GAS2: variants seen among roughly 807,000 people sequenced by gnomAD.
The protein encoded by GAS2 is growth arrest specific 2, also known as growth arrest-specific protein 2.
GAS2 carries 20 observed loss-of-function variants against 37.5 expected under a neutral mutation model. The observed-to-expected ratio is 0.53, with a 90% CI of 0.37 to 0.77. GAS2 has a LOEUF of 0.77. Ranked by LOEUF, GAS2 falls within the 30% of genes least tolerant of loss-of-function variation. The pLI, the probability that GAS2 is intolerant of heterozygous loss-of-function variation, is 0.00. For synonymous variants in GAS2, 144 were observed against 132.2 expected, an observed-to-expected ratio of 1.09 and a Z score of -0.61; for missense variants, 336 against 373.4, an observed-to-expected ratio of 0.90 and a Z score of 0.82.
At chr11:22,683,424 C>G (rs1409242690) in intron 2 of GAS2, among the ~76,000 whole-genome samples, 1 of 152,104 alleles carries the variant, frequency 6.6e-6, no homozygotes, top group Non-Finnish European at 1.5e-5. Flanking sequence ...TGCCACAATA[C>G]CTGGCTAATT....
chr11:22,643,550 C>A (rs573813035), intron 1 of GAS2, among the ~76,000 whole-genome samples: 19 of 151,604 alleles, frequency 1.3e-4, no homozygotes, highest in Admixed American at 3.3e-4. Flanking sequence ...CACAGATCAC[C>A]CACATATCTT....
intron 4 of GAS2, among the ~76,000 whole-genome samples, chr11:22,736,100 T>C (rs959188142): frequency 2.0e-5 from 3 of 151,982 alleles, no homozygotes; most frequent in Admixed American, 2.0e-4. Context: ...TATGTGTTAT[T>C]GTTCTCTGTA....
intron 6 of GAS2, among the ~76,000 whole-genome samples, chr11:22,754,264 GA>G (rs1853899528): frequency 1.3e-5 from 2 of 151,906 alleles, no homozygotes; most frequent in Admixed American, 6.6e-5. Context: ...TGTATTTAAT[GA>G]ATATTTATTT....
At chr11:22,725,075 A>G (rs1668897584) in intron 3 of GAS2, among the ~76,000 whole-genome samples, 1 of 152,084 alleles carries the variant, frequency 6.6e-6, no homozygotes, top group South Asian at 2.1e-4. Context: ...AGTCCTATGT[A>G]GCCCAGTTCA....
At chr11:22,800,069 G>C (rs546152844) in intron 7 of GAS2, among the ~76,000 whole-genome samples, 6 of 152,186 alleles carry the variant, frequency 3.9e-5, no homozygotes, top group Non-Finnish European at 5.9e-5. Context: ...GGGCTCAGAA[G>C]GTAGGACTAC....
chr11:22,789,728 G>A (rs1457764691), intron 7 of GAS2, among the ~76,000 whole-genome samples: 1 of 151,582 alleles, frequency 6.6e-6, no homozygotes, highest in Non-Finnish European at 1.5e-5. Flanking sequence ...GCCTCCCAAA[G>A]TCCCGGGATT....
chr11:22,655,836 G>T (rs1357721479), intron 1 of GAS2, among the ~76,000 whole-genome samples: 1 of 151,988 alleles, frequency 6.6e-6, no homozygotes, highest in Non-Finnish European at 1.5e-5. Flanking sequence ...TGTCTAGATG[G>T]GCCTGAAAAT....
At chr11:22,718,929 T>A (rs1271826268) in intron 3 of GAS2, among the ~76,000 whole-genome samples, 1 of 152,080 alleles carries the variant, frequency 6.6e-6, no homozygotes, top group Non-Finnish European at 1.5e-5. Flanking sequence ...ATGGAAGGAA[T>A]GCATTTGTTG....
At chr11:22,773,532 T>C (rs1326073264) in intron 7 of GAS2, among the ~76,000 whole-genome samples, 1 of 151,776 alleles carries the variant, frequency 6.6e-6, no homozygotes, top group Admixed American at 6.6e-5. Context: ...TAGGTGGGAC[T>C]GCAGGCGCCC....
In GAS2 at chr11:22,697,387, A is replaced by G. The variant is rs189251099; in HGVS notation, c.267+11598A>G. Among the ~76,000 whole-genome samples, 281 of 152,240 alleles carry G rather than the reference A, an allele frequency of 1.8e-3. 2 individuals are homozygous for G. The highest frequency in any genetic ancestry group is 6.3e-3 in the African/African-American group (260 of 41,520). On this transcript the variant is annotated intron_variant, in intron 3 of 7. Coordinates refer to ENST00000454584, the MANE Select transcript of GAS2 (RefSeq NM_001143830.3). ...TGAAGTCAGGTAGCATGATTCCTCC[A>G]GCTTTGTTATTTTGGCTTAGGATTG... is the stretch of plus-strand genomic sequence containing the variant.
intron 5 of GAS2, among the ~76,000 whole-genome samples, chr11:22,739,870 G>A (rs1852977600): frequency 6.6e-6 from 1 of 151,940 alleles, no homozygotes; most frequent in South Asian, 2.1e-4. Context: ...TAAAGAGACG[G>A]GGTTATACTG....
At chr11:22,640,728 A>T (rs1858899537) in intron 1 of GAS2, among the ~76,000 whole-genome samples, 2 of 152,192 alleles carry the variant, frequency 1.3e-5, no homozygotes, top group Non-Finnish European at 2.9e-5. Context: ...TATTCATATT[A>T]TCATACAAAG....
At chr11:22,760,965 GT>G (rs1234132590) in intron 7 of GAS2, among the ~76,000 whole-genome samples, 1 of 152,106 alleles carries the variant, frequency 6.6e-6, no homozygotes, top group Non-Finnish European at 1.5e-5. Flanking sequence ...TGGTGGGGAG[GT>G]TTTTTGGAGT....
chr11:22,626,636 G>C (rs1041664582), intron 1 of GAS2: 1 of 152,168 alleles, frequency 6.6e-6, no homozygotes, highest in Non-Finnish European at 1.5e-5. Flanking sequence ...CAACTCCTAG[G>C]AGTTGCATTC....
intron 5 of GAS2, among the ~76,000 whole-genome samples, chr11:22,745,776 G>A (rs1456915799): frequency 6.6e-6 from 1 of 151,896 alleles, no homozygotes; most frequent in Non-Finnish European, 1.5e-5. Context: ...ATTAAAATTT[G>A]GGCAAAAGAC....
intron 7 of GAS2, among the ~76,000 whole-genome samples, chr11:22,765,729 A>G (rs1854653220): frequency 6.6e-6 from 1 of 151,910 alleles, no homozygotes; most frequent in Non-Finnish European, 1.5e-5. Context: ...CAGTGTGCCG[A>G]GATCGTGCCA....
At chr11:22,725,742 T>A (rs1022782803) in intron 3 of GAS2, among the ~76,000 whole-genome samples, 1 of 152,112 alleles carries the variant, frequency 6.6e-6, no homozygotes, top group African/African-American at 2.4e-5. Context: ...CATGACATTA[T>A]TTTTTAACAT....
At chr11:22,759,542 G>A (rs1854254909) in intron 7 of GAS2, among the ~76,000 whole-genome samples, 1 of 152,148 alleles carries the variant, frequency 6.6e-6, no homozygotes, top group Non-Finnish European at 1.5e-5. Flanking sequence ...TTTCCAAAGA[G>A]CAACATTGTT....
intron 3 of GAS2, among the ~76,000 whole-genome samples, chr11:22,701,863 T>A (rs1850860739): frequency 1.3e-5 from 2 of 151,948 alleles, no homozygotes. Flanking sequence ...GGGAAAAAAA[T>A]TAGTTGCAAG....
Sources: allele counts gnomAD v4.1 joint callset (sites outside exome capture counted in the v4.1 genomes callset), GRCh38; gene constraint gnomAD v4.1.1; transcripts MANE v1.5; gene names NCBI Gene and HGNC (gene_info 2026-07-23, HGNC 2026-07-21).